The following RALGPS1 variants were observed in gnomAD, a reference collection of about 807,000 sequenced individuals.
RALGPS1 encodes ras-specific guanine nucleotide-releasing factor RalGPS1.
In RALGPS1, 19 loss-of-function variants were observed where a neutral mutation model predicts 78.8. The ratio of observed to expected loss-of-function variants is 0.24; its 90% CI spans 0.17 to 0.35. The LOEUF is 0.35. Ranked by LOEUF, RALGPS1 falls within the 10% of genes least tolerant of loss-of-function variation. The pLI is 1.00. For missense variants in RALGPS1, 454 were observed against 688.3 expected (o/e 0.66, Z 3.81); for synonymous variants, 228 against 256.3 (o/e 0.89, Z 1.06).
chr9:127,150,466 C>G (rs996579181), intron 8 of RALGPS1, among the ~76,000 whole-genome samples: 6 of 152,204 alleles, frequency 3.9e-5, no homozygotes, highest in African/African-American at 1.4e-4. Context: ...AATGGGCCTT[C>G]TTACTGGTAT....
At chr9:127,176,234 T>C (rs1230303932) in intron 11 of RALGPS1, among the ~76,000 whole-genome samples, 1 of 152,214 alleles carries the variant, frequency 6.6e-6, no homozygotes, top group Non-Finnish European at 1.5e-5. Flanking sequence ...TCTTGCAGTC[T>C]TCCAAATCCA....
chr9:126,923,865 T>G (rs891394572), intron 1 of RALGPS1, among the ~76,000 whole-genome samples: 1 of 152,258 alleles, frequency 6.6e-6, no homozygotes, highest in African/African-American at 2.4e-5. Flanking sequence ...ACTTGCTGAT[T>G]GATATGTAGC....
At chr9:127,028,287 C>G (rs1346237807) in intron 4 of RALGPS1, among the ~76,000 whole-genome samples, 1 of 152,276 alleles carries the variant, frequency 6.6e-6, no homozygotes. Flanking sequence ...GCCTGCAGCT[C>G]TGTTCTGGCT....
chr9:126,962,225 G>A lies in RALGPS1; in HGVS notation c.-65G>A. The A allele has an allele frequency of 6.4e-7, 1 of 1,558,966 alleles. No homozygotes were observed. Among genetic ancestry groups the A allele is most frequent in the Non-Finnish European group, 8.8e-7 (1 of 1,133,262 alleles). ...TTTTATGAGCCCCTTTGCCTTGCAG[G>A]ACTTCTCCAGACAGGTTATGTTACC... On this transcript the variant is annotated splice_region_variant and 5_prime_UTR_variant, in exon 2 of 19. Transcript: ENST00000259351.
At chr9:127,108,306 C>A (rs2054443026) in intron 8 of RALGPS1, 1 of 1,613,778 alleles carries the variant, frequency 6.2e-7, no homozygotes, top group Non-Finnish European at 8.5e-7. Context: ...TGATCTCGTG[C>A]AGGAGCTGCA....
At chr9:127,102,808 G>A (rs776140552) in intron 8 of RALGPS1, among the ~76,000 whole-genome samples, 7 of 152,236 alleles carry the variant, frequency 4.6e-5, no homozygotes, top group Non-Finnish European at 2.9e-5. Context: ...TGCTCTTTGA[G>A]AAATCACTGG....
At chr9:127,031,916 G>C (rs1005964736) in intron 4 of RALGPS1, among the ~76,000 whole-genome samples, 1 of 152,142 alleles carries the variant, frequency 6.6e-6, no homozygotes, top group African/African-American at 2.4e-5. Flanking sequence ...AGTACCAACT[G>C]GTTCTTGCCT....
chr9:127,086,725 A>G (rs1027059558), intron 8 of RALGPS1, among the ~76,000 whole-genome samples: 9 of 152,094 alleles, frequency 5.9e-5, no homozygotes, highest in African/African-American at 1.9e-4. Flanking sequence ...AAAAAGTTGT[A>G]TCTTTTAGTC....
chr9:127,095,466 T>G (rs2053019750), intron 8 of RALGPS1, among the ~76,000 whole-genome samples: 1 of 152,236 alleles, frequency 6.6e-6, no homozygotes, highest in African/African-American at 2.4e-5. Context: ...GCTAAGAAAG[T>G]ACCATTGTAT....
At chr9:127,216,943 G>A in intron 18 of RALGPS1, 1 of 1,547,950 alleles carries the variant, frequency 6.5e-7, no homozygotes, top group Non-Finnish European at 8.7e-7. Flanking sequence ...GGAACTGACA[G>A]CCACGAGGTG....
intron 1 of RALGPS1, among the ~76,000 whole-genome samples, chr9:126,952,656 A>AGAGTGTGTGTGTGTGTGT (rs1554763340): frequency 7.2e-6 from 1 of 138,828 alleles, no homozygotes; most frequent in East Asian, 2.1e-4. Context: ...AGAGAGAGAG[A>AGAGTGTGTGTGTGTGTGT]GTGTGTGTGT....
intron 8 of RALGPS1, chr9:127,089,079 G>A: frequency 6.2e-7 from 1 of 1,614,248 alleles, no homozygotes; most frequent in Non-Finnish European, 8.5e-7. Flanking sequence ...ACCCCGTTGA[G>A]GTTGGAGTGG....
chr9:127,202,491 CT>C (rs2061687037), intron 14 of RALGPS1, among the ~76,000 whole-genome samples: 1 of 152,152 alleles, frequency 6.6e-6, no homozygotes, highest in Admixed American at 6.5e-5. Flanking sequence ...GGGAATGGGT[CT>C]GTTCCTACTG....
chr9:126,975,402 T>C (rs2040510470), intron 3 of RALGPS1, among the ~76,000 whole-genome samples: 1 of 152,202 alleles, frequency 6.6e-6, no homozygotes, highest in Admixed American at 6.5e-5. Flanking sequence ...GGTGGCAGGA[T>C]GGAAAGGAAG....
At chr9:126,936,515 A>G (rs2036271379) in intron 1 of RALGPS1, among the ~76,000 whole-genome samples, 1 of 152,202 alleles carries the variant, frequency 6.6e-6, no homozygotes, top group Non-Finnish European at 1.5e-5. Flanking sequence ...AGAGGCAGCA[A>G]GAACAGATTT....
chr9:127,208,589 G>A (rs752293032), intron 14 of RALGPS1, among the ~76,000 whole-genome samples: 1 of 152,140 alleles, frequency 6.6e-6, no homozygotes, highest in Non-Finnish European at 1.5e-5. Context: ...GGCAGCGCGA[G>A]TGCACTCGAT....
intron 4 of RALGPS1, among the ~76,000 whole-genome samples, chr9:127,008,240 A>G (rs767664870): frequency 2.0e-4 from 30 of 152,110 alleles, no homozygotes; most frequent in Non-Finnish European, 4.0e-4. Context: ...TGCATGAGGT[A>G]TCCTGTACCA....
intron 4 of RALGPS1, among the ~76,000 whole-genome samples, chr9:127,013,478 T>G (rs1356202454): frequency 6.6e-6 from 1 of 152,150 alleles, no homozygotes. Context: ...TGTCTGTTAT[T>G]GACGCCCCCT....
At chr9:127,169,191 C>T (rs1384431138) in intron 10 of RALGPS1, among the ~76,000 whole-genome samples, 1 of 152,214 alleles carries the variant, frequency 6.6e-6, no homozygotes, top group Non-Finnish European at 1.5e-5. Flanking sequence ...AGGCAGCTTC[C>T]AGCCATATCT....
Sources: allele counts gnomAD v4.1 joint callset (sites outside exome capture counted in the v4.1 genomes callset), GRCh38; gene constraint gnomAD v4.1.1; transcripts MANE v1.5; gene names NCBI Gene and HGNC (gene_info 2026-07-23, HGNC 2026-07-21).